SEMA3C: variants seen among roughly 807,000 people sequenced by gnomAD.
SEMA3C encodes the protein semaphorin-3C.
In SEMA3C, 47 loss-of-function variants were observed where a neutral mutation model predicts 89.4. The observed-to-expected ratio is 0.53, with a 90% CI of 0.42 to 0.67. The LOEUF is 0.67. Among genes scored for constraint, SEMA3C ranks in the 30% least tolerant of loss-of-function variants. The pLI is 0.00. For synonymous variants in SEMA3C, 310 were observed against 320.2 expected (o/e 0.97, Z 0.34); for missense variants, 839 against 929.1 (o/e 0.90, Z 1.26).
chr7:80,892,028 T>C (rs1051229004), intron 2 of SEMA3C, among the ~76,000 whole-genome samples: 1 of 152,094 alleles, frequency 6.6e-6, no homozygotes, highest in Non-Finnish European at 1.5e-5. Flanking sequence ...ACAGTAGAAA[T>C]AGTAAATATC....
At chr7:80,846,673 A>G (rs898962823) in intron 2 of SEMA3C, among the ~76,000 whole-genome samples, 1 of 152,160 alleles carries the variant, frequency 6.6e-6, no homozygotes, top group Non-Finnish European at 1.5e-5. Flanking sequence ...TACTATCTAT[A>G]TAAAGACTGT....
At chr7:80,820,774 G>A (rs975452778) in intron 4 of SEMA3C, among the ~76,000 whole-genome samples, 2 of 152,126 alleles carry the variant, frequency 1.3e-5, no homozygotes, top group African/African-American at 2.4e-5. Context: ...GATGAGATAT[G>A]TGTGTTTATA....
At chr7:80,876,722 A>T (rs1162400091) in intron 2 of SEMA3C, among the ~76,000 whole-genome samples, 1 of 152,256 alleles carries the variant, frequency 6.6e-6, no homozygotes, top group Non-Finnish European at 1.5e-5. Flanking sequence ...CCTCTGCATT[A>T]TAAAATAAAG....
intron 2 of SEMA3C, among the ~76,000 whole-genome samples, chr7:80,863,230 TAA>T (rs57655836): frequency 3.8e-4 from 48 of 125,600 alleles, no homozygotes; most frequent in African/African-American, 7.6e-4. Context: ...GACTCCATCT[TAA>T]AAAAAAAAAA....
At chr7:80,785,614 G>A (rs1208476262) in intron 12 of SEMA3C, among the ~76,000 whole-genome samples, 1 of 152,198 alleles carries the variant, frequency 6.6e-6, no homozygotes, top group African/African-American at 2.4e-5. Context: ...AACAGGAAGA[G>A]AGAACTCTCT....
chr7:80,912,095 A>G (rs762324239), intron 2 of SEMA3C, among the ~76,000 whole-genome samples: 1 of 152,218 alleles, frequency 6.6e-6, no homozygotes, highest in Non-Finnish European at 1.5e-5. Context: ...TATTGGCAAC[A>G]GAATCAAGCT....
intron 13 of SEMA3C, among the ~76,000 whole-genome samples, chr7:80,764,379 C>T (rs1038155253): frequency 1.3e-5 from 2 of 152,164 alleles, no homozygotes; most frequent in South Asian, 2.1e-4. Flanking sequence ...TCCTCTGCTG[C>T]GCTTTACCCA....
chr7:80,838,405 T>A (rs538824350), intron 2 of SEMA3C, among the ~76,000 whole-genome samples: 1 of 152,214 alleles, frequency 6.6e-6, no homozygotes, highest in African/African-American at 2.4e-5. Context: ...TATCTATTGT[T>A]GTGGGATATC....
intron 2 of SEMA3C, among the ~76,000 whole-genome samples, chr7:80,883,221 A>G (rs1355150769): frequency 6.6e-6 from 1 of 152,170 alleles, no homozygotes; most frequent in Admixed American, 6.5e-5. Flanking sequence ...ATTATACCAA[A>G]TCAACAGCCT....
chr7:80,821,166 T>C (rs983174425), intron 4 of SEMA3C, among the ~76,000 whole-genome samples: 7 of 152,348 alleles, frequency 4.6e-5, no homozygotes, highest in Non-Finnish European at 1.0e-4. Flanking sequence ...GAAAGTTTGA[T>C]TTTTACCTTT....
At chr7:80,826,819 C>T (rs1789882320) in intron 4 of SEMA3C, among the ~76,000 whole-genome samples, 1 of 152,148 alleles carries the variant, frequency 6.6e-6, no homozygotes, top group Admixed American at 6.5e-5. Context: ...CAATGTATTA[C>T]TTTCAGCAAG....
At position 80,758,508 on chromosome 7, in the gene SEMA3C, G is replaced by A. The variant is rs750820851; in HGVS notation, c.1486-20C>T. Reference sequence around the variant, plus strand: ...CTGTTGCTATTAAAGGAATGATGATGATTTATTTCAGATGTGGAAGTTAAA... The same window carrying A: ...CTGTTGCTATTAAAGGAATGATGATAATTTATTTCAGATGTGGAAGTTAAA... On this transcript the variant is annotated intron_variant, in intron 14 of 17. Coordinates refer to ENST00000265361, the MANE Select transcript of SEMA3C (RefSeq NM_006379.5). The A allele has an allele frequency of 3.4e-5, 55 of 1,610,934 alleles. No homozygotes were observed. The highest frequency in any genetic ancestry group is 4.6e-5 in the Non-Finnish European group (54 of 1,177,480).
intron 2 of SEMA3C, among the ~76,000 whole-genome samples, chr7:80,911,485 T>G (rs780311267): frequency 2.0e-5 from 3 of 152,258 alleles, no homozygotes; most frequent in South Asian, 2.1e-4. Context: ...GAACAACATA[T>G]CAACATATAT....
intron 11 of SEMA3C, among the ~76,000 whole-genome samples, chr7:80,791,965 T>C (rs1014615951): frequency 6.6e-6 from 1 of 152,112 alleles, no homozygotes; most frequent in African/African-American, 2.4e-5. Flanking sequence ...AGACTAGAAC[T>C]TTTTACAGAT....
chr7:80,754,965 T>TTTGTTTTTTTTTGTTTTTTTTG (rs781275156), intron 15 of SEMA3C, among the ~76,000 whole-genome samples: 5 of 52,948 alleles, frequency 9.4e-5, no homozygotes, highest in African/African-American at 3.2e-4. Flanking sequence ...TTGTTTTTTT[T>TTTGTTTTTTTTTGTTTTTTTTG]TTTTTTGTAT....
At chr7:80,777,726 TGCATCCATCATG>T (rs1464389915) in intron 12 of SEMA3C, among the ~76,000 whole-genome samples, 7 of 152,222 alleles carry the variant, frequency 4.6e-5, no homozygotes, top group Admixed American at 4.6e-4. Context: ...CACACATGCT[TGCATCCATCATG>T]GCTGTAGAAA....
At chr7:80,816,200 C>T (rs767073359) in intron 5 of SEMA3C, 28 of 152,090 alleles carry the variant, frequency 1.8e-4, no homozygotes, top group Admixed American at 1.1e-3. Context: ...GCTCCAAACA[C>T]GAAGTAGGCT....
intron 15 of SEMA3C, 71 bp from the exon 16 acceptor site, chr7:80,751,407 T>A: frequency 7.1e-7 from 1 of 1,407,160 alleles, no homozygotes; most frequent in Middle Eastern, 1.8e-4. Context: ...TAAAACACTG[T>A]AATTTTAAAC....
chr7:80,860,996 G>T (rs1790757805), intron 2 of SEMA3C, among the ~76,000 whole-genome samples: 1 of 152,150 alleles, frequency 6.6e-6, no homozygotes, highest in African/African-American at 2.4e-5. Flanking sequence ...CATATTGAAA[G>T]AAATAATATG....
Sources: gnomAD v4.1 joint callset for allele counts (sites outside exome capture counted in the v4.1 genomes callset) on GRCh38, gnomAD v4.1.1 for gene constraint, MANE v1.5 for transcripts, NCBI Gene and HGNC (gene_info 2026-07-23, HGNC 2026-07-21) for gene names.